PSMD12: variants seen among roughly 807,000 people sequenced by gnomAD.
PSMD12 encodes the protein proteasome 26S subunit, non-ATPase 12, also known as 26S proteasome non-ATPase regulatory subunit 12.
Under a neutral mutation model 62.9 loss-of-function variants are expected in PSMD12, and 8 were observed. The observed-to-expected ratio is 0.13, with a 90% CI of 0.07 to 0.23. PSMD12 has a LOEUF of 0.23. PSMD12 is among the 10% of genes least tolerant of loss of function. The pLI is 1.00. For synonymous variants in PSMD12, 173 were observed against 187.4 expected, an observed-to-expected ratio of 0.92 and a Z score of 0.63; for missense variants, 424 against 550.2, an observed-to-expected ratio of 0.77 and a Z score of 2.29.
chr17:67,366,126 C>G (rs1462848625), intron 1 of PSMD12, among the ~76,000 whole-genome samples: 1 of 152,240 alleles, frequency 6.6e-6, no homozygotes, highest in African/African-American at 2.4e-5. Context: ...AGGTAAATAT[C>G]ACTTAAACAG....
intron 3 of PSMD12, among the ~76,000 whole-genome samples, chr17:67,352,493 T>C (rs938576150): frequency 3.9e-5 from 6 of 152,176 alleles, no homozygotes. Context: ...AAACATAGGA[T>C]GCCTGTAAAG....
rs1483863080 is a variant in PSMD12, at chr17:67,342,250, A to G, written c.1097T>C (p.Met366Thr). ...TGTTATCCGAGTATAATACTTGGCC[A>G]TTATTCTAATATTCTGGGGAGAGGA... is the stretch of plus-strand genomic sequence containing the variant. ...NRVVEHNIRI[M>T]AKYYTRITMK... is the part of the protein sequence containing the mutation. Residue 366 changes from methionine (M) to threonine (T), a missense_variant, in exon 10 of 11, where the codon ATG becomes ACG. Coordinates refer to ENST00000356126, the MANE Select transcript of PSMD12 (RefSeq NM_002816.5). 26 of 1,577,092 alleles carry G rather than the reference A, an allele frequency of 1.6e-5. No individual in the cohort carries two copies. Among genetic ancestry groups the G allele is most frequent in the Non-Finnish European group, 2.2e-5 (25 of 1,146,956 alleles).
chr17:67,360,405 C>T (rs758393230), intron 1 of PSMD12, among the ~76,000 whole-genome samples: 1 of 152,196 alleles, frequency 6.6e-6, no homozygotes, highest in Non-Finnish European at 1.5e-5. Flanking sequence ...TTTTGGATAA[C>T]ACTCTCTAAA....
chr17:67,349,131 C>T (rs778399505), intron 4 of PSMD12, among the ~76,000 whole-genome samples: 5 of 152,154 alleles, frequency 3.3e-5, no homozygotes, highest in Non-Finnish European at 5.9e-5. Flanking sequence ...CTGATTTTCC[C>T]GCCTCAGCCT....
rs555833760 is a variant in PSMD12 at position 67,364,057 on chromosome 17, A to G, written c.108+2355T>C. On this transcript the variant is annotated intron_variant, in intron 1 of 10. Transcript: ENST00000356126. The stretch of plus-strand genomic sequence containing the variant: ...AGAGCGAAACTCTGTCTCGAAACAA[A>G]AAATAAAAAAAATAAATAAAAAGCA... Among the ~76,000 whole-genome samples the G allele has an allele frequency of 3.3e-5, 5 of 152,274 alleles. No homozygotes were observed. The East Asian group carries it at 9.6e-4, about 29-fold the overall frequency.
intron 1 of PSMD12, among the ~76,000 whole-genome samples, chr17:67,360,281 T>A (rs983408186): frequency 3.9e-5 from 6 of 152,252 alleles, no homozygotes; most frequent in African/African-American, 1.2e-4. Context: ...GGTATTCTAA[T>A]TCAGAAGCAT....
At chr17:67,351,994 G>A (rs1038316791) in intron 3 of PSMD12, among the ~76,000 whole-genome samples, 1 of 150,830 alleles carries the variant, frequency 6.6e-6, no homozygotes, top group African/African-American at 2.4e-5. Context: ...CTACTCAGGA[G>A]TCTAAGACAG....
chr17:67,353,550 G>A (rs1185972793), intron 3 of PSMD12, among the ~76,000 whole-genome samples: 3 of 152,038 alleles, frequency 2.0e-5, no homozygotes, highest in African/African-American at 7.2e-5. Flanking sequence ...CAGGAAATCC[G>A]CCTGCCTCGA....
intron 1 of PSMD12, among the ~76,000 whole-genome samples, chr17:67,361,911 G>GAAAAA (rs2042133292): frequency 4.6e-5 from 3 of 64,562 alleles, no homozygotes; most frequent in Admixed American, 1.8e-4. Flanking sequence ...AAAAAAAAAG[G>GAAAAA]AAGGAAGGAA....
At chr17:67,354,852 T>C (rs1567957885) in intron 3 of PSMD12, among the ~76,000 whole-genome samples, 1 of 151,944 alleles carries the variant, frequency 6.6e-6, no homozygotes, top group Non-Finnish European at 1.5e-5. Flanking sequence ...TAGCTGGGTG[T>C]GGTGGCACAT....
chr17:67,365,016 C>G (rs1294216727), intron 1 of PSMD12, among the ~76,000 whole-genome samples: 2 of 151,962 alleles, frequency 1.3e-5, no homozygotes, highest in Admixed American at 1.3e-4. Context: ...AGTGAAACCC[C>G]GTCTCTACTA....
At chr17:67,359,795 T>C (rs2042113108) in intron 1 of PSMD12, among the ~76,000 whole-genome samples, 1 of 152,146 alleles carries the variant, frequency 6.6e-6, no homozygotes, top group Non-Finnish European at 1.5e-5. Flanking sequence ...TCTATAGATT[T>C]ATATATATAA....
chr17:67,339,885 C>T lies in PSMD12; in HGVS notation c.*958G>A, dbSNP rs537539158. On this transcript the variant is annotated 3_prime_UTR_variant, in exon 11 of 11. Transcript: ENST00000356126. ...ACCACTTACTATGAGGGTGGCCTGA[C>T]GTCTTTTTGCCATTTTTTTAAAGCA... is the stretch of plus-strand genomic sequence containing the variant. The T allele has an allele frequency of 6.6e-5, 10 of 151,670 alleles. No individual in the cohort carries two copies. Among genetic ancestry groups the T allele is most frequent in the South Asian group, 2.1e-4 (1 of 4,808 alleles). 9.4% of individuals were successfully genotyped at this position (151,670 alleles called of 1,614,324 possible).
At chr17:67,363,246 C>T (rs183328500) in intron 1 of PSMD12, among the ~76,000 whole-genome samples, 82 of 152,154 alleles carry the variant, frequency 5.4e-4, no homozygotes, top group African/African-American at 8.9e-4. Flanking sequence ...CGAACTACTG[C>T]GCTCAAGCGA....
chr17:67,347,102 G>A lies in PSMD12; in HGVS notation c.795+14C>T, dbSNP rs376041833. The A allele has an allele frequency of 1.6e-5, 25 of 1,566,034 alleles. No homozygotes were observed. Among genetic ancestry groups the A allele is most frequent in the Non-Finnish European group, 2.1e-5 (24 of 1,156,856 alleles). ...GAATAAGAAGCCATGTCAATTACAC[G>A]AATATATTCTTACCTGCTGCCATTT... On this transcript the variant is annotated intron_variant, in intron 7 of 10. Coordinates refer to ENST00000356126, the MANE Select transcript of PSMD12 (RefSeq NM_002816.5).
chr17:67,344,559 C>A, intron 9 of PSMD12, 47 bp downstream of exon 9: 3 of 1,450,710 alleles, frequency 2.1e-6, no homozygotes, highest in Non-Finnish European at 1.8e-6. Context: ...AAAGTAAATT[C>A]ACTAAAGGTT....
At chr17:67,348,114 G>A (rs1328775381) in intron 5 of PSMD12, among the ~76,000 whole-genome samples, 3 of 152,132 alleles carry the variant, frequency 2.0e-5, no homozygotes, top group Non-Finnish European at 4.4e-5. Flanking sequence ...GTAAACATAA[G>A]TTTTCATTTC....
In PSMD12 at chr17:67,347,158, A is replaced by G. The variant is rs371507941; in HGVS notation, c.753T>C (p.Tyr251=). Residue 251 remains tyrosine (Y), a synonymous_variant, in exon 7 of 11, where the codon TAT becomes TAC. Transcript: ENST00000356126. The stretch of plus-strand genomic sequence containing the variant: ...TTTCTGCCTGTATACAGGGAGTATC[A>G]TATATTGCTCTGTAGTGCTTACAAA... ...LSICKHYRAI[Y]DTPCIQAESE... 25 of 1,613,280 alleles carry G rather than the reference A, an allele frequency of 1.5e-5. No homozygotes were observed. The highest frequency in any genetic ancestry group is 2.0e-5 in the Non-Finnish European group (24 of 1,179,586).
chr17:67,350,329 G>C lies in PSMD12; in HGVS notation c.305C>G (p.Ala102Gly), dbSNP rs766369047. ...AGTACAGCACTGTTGAACCATTTTG[G>C]CAACAGCCTAAAATATTAAAAACCA... ...KRRSQLKQAVAKMVQQCCTYV... is the reference protein window; with the variant it reads ...KRRSQLKQAVGKMVQQCCTYV... The change falls in exon 4 of 11, where the codon GCC becomes GGC. Residue 102 changes from alanine to glycine, a missense_variant. Physicochemically the swap from Ala to Gly is moderately conservative, Grantham distance 60. Transcript: ENST00000356126. 1.9e-6 allele frequency: 3 copies of C among 1,596,292 alleles called. No individual in the cohort carries two copies. The South Asian group carries it at 3.4e-5, about 18-fold the overall frequency.
Sources: gnomAD v4.1 joint callset for allele counts (sites outside exome capture counted in the v4.1 genomes callset) on GRCh38, gnomAD v4.1.1 for gene constraint, MANE v1.5 for transcripts, NCBI Gene and HGNC (gene_info 2026-07-23, HGNC 2026-07-21) for gene names.